The following IRAG1 variants were observed in gnomAD, a reference collection of about 807,000 sequenced individuals.
The protein encoded by IRAG1 is IP3R-associated cGMP kinase substrate.
IRAG1 carries 62 observed loss-of-function variants against 106.2 expected under a neutral mutation model. The observed-to-expected ratio is 0.58, with a 90% CI of 0.48 to 0.72. The LOEUF (loss-of-function observed/expected upper bound fraction) is 0.72, where lower values mean the gene tolerates loss of function less well. IRAG1 is among the 30% of genes least tolerant of loss of function. The probability of loss-of-function intolerance (pLI) is 0.00; values close to 1 mark genes in which losing one functional copy is unlikely to be tolerated. For missense variants in IRAG1, 1,064 were observed against 1,140.7 expected (o/e 0.93, Z 0.97); for synonymous variants, 462 against 443.9 (o/e 1.04, Z -0.51).
chr11:10,626,430 T>A lies in IRAG1; in HGVS notation c.904A>T (p.Thr302Ser). The change falls in exon 9 of 21, where the codon ACA becomes TCA. Residue 302 changes from threonine (T) to serine (S), a missense_variant. Thr to Ser is a moderately conservative substitution (Grantham distance 58). Coordinates refer to ENST00000423302, the MANE Select transcript of IRAG1 (RefSeq NM_130385.4). ...GTAACAGGAGCTAGGCCTTTGGGTGTGGTCTCGGGGTACTGGAGGGGATCG... is the reference window on the plus strand; with the variant it reads ...GTAACAGGAGCTAGGCCTTTGGGTGAGGTCTCGGGGTACTGGAGGGGATCG... The part of the protein sequence containing the change: ...NFDPLQYPET[T>S]PKGLAPVTNS... 1 of 1,613,948 alleles carries A rather than the reference T, an allele frequency of 6.2e-7. No individual in the cohort carries two copies. The highest frequency in any genetic ancestry group is 8.5e-7 in the Non-Finnish European group (1 of 1,179,856).
chr11:10,594,357 T>A (rs1853031811), intron 15 of IRAG1, 162 bp from the exon 16 acceptor site: 1 of 609,760 alleles, frequency 1.6e-6, no homozygotes, highest in Admixed American at 2.9e-5. Flanking sequence ...CTTCATCCTT[T>A]GAGATGGGGC....
chr11:10,628,766 C>A lies in IRAG1; in HGVS notation c.637G>T (p.Val213Phe). The change falls in exon 6 of 21, where the codon GTC (valine) becomes TTC (phenylalanine). Residue 213 changes from valine (V) to phenylalanine (F), a missense_variant. By Grantham distance (50) the Val-to-Phe change is conservative. Transcript: ENST00000423302. This position sits in a 1 kb window ranked among gnomAD's most constrained non-coding sequence, Gnocchi z 4.1. Reference protein sequence around the residue: ...PTSSRSNSLTVPTPPGLDVCS... With the variant: ...PTSSRSNSLTFPTPPGLDVCS... ...TGGGCCTCACCTGGCGGGGTGGGGA[C>A]TGTAAGTGAGTTGCTCCGAGAGGAT... 6.5e-7 allele frequency: 1 copy of A among 1,547,624 alleles called. No individual in the cohort carries two copies. Among genetic ancestry groups the A allele is most frequent in the East Asian group, 2.5e-5 (1 of 40,446 alleles).
intron 10 of IRAG1, among the ~76,000 whole-genome samples, chr11:10,621,585 TAA>T (rs1014414056): frequency 6.6e-6 from 1 of 152,120 alleles, no homozygotes; most frequent in Non-Finnish European, 1.5e-5. Context: ...TTGTGCAGCT[TAA>T]AAAAAGTTTT....
intron 18 of IRAG1, among the ~76,000 whole-genome samples, chr11:10,584,548 A>AATATATAT (rs56768282): frequency 0.011 from 1,046 of 98,490 alleles, 19 homozygotes; most frequent in Non-Finnish European, 0.012. Flanking sequence ...TCTTTCATGA[A>AATATATAT]ATATATATAT....
intron 4 of IRAG1, among the ~76,000 whole-genome samples, chr11:10,631,116 G>A (rs1456042597): frequency 6.6e-6 from 1 of 152,190 alleles, no homozygotes; most frequent in Non-Finnish European, 1.5e-5. Flanking sequence ...TTCAAGAGAT[G>A]GAATGGGACA....
At chr11:10,630,941 C>A (rs2134626531) in intron 4 of IRAG1, among the ~76,000 whole-genome samples, 1 of 152,288 alleles carries the variant, frequency 6.6e-6, no homozygotes, top group African/African-American at 2.4e-5. Context: ...CAGGGATTGG[C>A]TCGGGGATGG....
chr11:10,605,737 A>C (rs1054434297), intron 12 of IRAG1, among the ~76,000 whole-genome samples: 1 of 152,194 alleles, frequency 6.6e-6, no homozygotes, highest in African/African-American at 2.4e-5. Flanking sequence ...CCATCTTCAC[A>C]AATGTCAGTG....
chr11:10,685,916 A>G (rs928013835), intron 1 of IRAG1, among the ~76,000 whole-genome samples: 6 of 152,276 alleles, frequency 3.9e-5, no homozygotes, highest in Middle Eastern at 3.4e-3. Context: ...AGCCAGGTTT[A>G]TCTTGACAAC....
Position 10,603,108 on chromosome 11 carries a change from G to A in IRAG1, c.1875+12C>T. The A allele has an allele frequency of 6.2e-7, 1 of 1,607,002 alleles. No homozygotes were observed. Among genetic ancestry groups the A allele is most frequent in the Non-Finnish European group, 8.5e-7 (1 of 1,177,322 alleles). On this transcript the variant is annotated intron_variant, in intron 14 of 20. Transcript: ENST00000423302. ...AACAGAGTTGGCAAGACCGGGGGCT[G>A]GAGAGACTCACCTGGCGGACGGCGC...
intron 10 of IRAG1, among the ~76,000 whole-genome samples, chr11:10,623,047 G>C (rs1037038882): frequency 1.3e-5 from 2 of 152,190 alleles, no homozygotes; most frequent in Non-Finnish European, 2.9e-5. Context: ...ACTGTTCTTA[G>C]CCTGGTTTTA....
intron 1 of IRAG1, chr11:10,690,484 C>A: frequency 8.1e-7 from 1 of 1,232,692 alleles, no homozygotes; most frequent in Non-Finnish European, 1.0e-6. Flanking sequence ...GCGTGAGTTA[C>A]CTCTGCTAAG....
intron 1 of IRAG1, among the ~76,000 whole-genome samples, chr11:10,676,457 A>C (rs894124049): frequency 1.3e-5 from 2 of 152,204 alleles, no homozygotes; most frequent in African/African-American, 4.8e-5. Flanking sequence ...GATTGGAGCT[A>C]TGACACTGGA....
At chr11:10,590,848 G>A (rs1852566120) in intron 18 of IRAG1, among the ~76,000 whole-genome samples, 1 of 152,120 alleles carries the variant, frequency 6.6e-6, no homozygotes, top group Admixed American at 6.6e-5. Flanking sequence ...TTCTGTTCAG[G>A]AATTTACTCT....
chr11:10,591,739 T>G (rs945061291), intron 17 of IRAG1, 127 bp from the exon 18 acceptor site: 6 of 848,976 alleles, frequency 7.1e-6, no homozygotes, highest in African/African-American at 5.0e-5. Context: ...GCCCCCACTT[T>G]CCAATCTTCA....
At chr11:10,590,212 C>T (rs909150851) in intron 18 of IRAG1, among the ~76,000 whole-genome samples, 4 of 152,096 alleles carry the variant, frequency 2.6e-5, no homozygotes, top group South Asian at 2.1e-4. Flanking sequence ...TCTGTAAACT[C>T]GGTTACTTCC....
At chr11:10,591,669 G>A (rs1852689136) in intron 17 of IRAG1, 57 bp from the exon 18 acceptor site, 3 of 1,453,298 alleles carry the variant, frequency 2.1e-6, no homozygotes, top group South Asian at 2.4e-5. Flanking sequence ...GAAGAAGCCA[G>A]AGCTGCTGGA....
intron 10 of IRAG1, among the ~76,000 whole-genome samples, chr11:10,613,210 T>G (rs1191452107): frequency 6.6e-6 from 1 of 151,614 alleles, no homozygotes; most frequent in African/African-American, 2.4e-5. Flanking sequence ...AGTTGAACCC[T>G]TCAGGTTGAC....
At chr11:10,617,990 C>A (rs1855556979) in intron 10 of IRAG1, among the ~76,000 whole-genome samples, 1 of 152,198 alleles carries the variant, frequency 6.6e-6, no homozygotes, top group South Asian at 2.1e-4. Flanking sequence ...TCCTTACCTG[C>A]AGGCTTCTCT....
At chr11:10,650,815 C>G (rs1564928658) in intron 2 of IRAG1, among the ~76,000 whole-genome samples, 1 of 152,180 alleles carries the variant, frequency 6.6e-6, no homozygotes, top group Non-Finnish European at 1.5e-5. Context: ...GGAAGGACAA[C>G]CCCCTCACCC....
Sources: allele counts gnomAD v4.1 joint callset (sites outside exome capture counted in the v4.1 genomes callset), GRCh38; gene constraint gnomAD v4.1.1; non-coding constraint Gnocchi (gnomAD v3.1); transcripts MANE v1.5; gene names NCBI Gene and HGNC (gene_info 2026-07-23, HGNC 2026-07-21).